CTNNA2: variants seen among roughly 807,000 people sequenced by gnomAD.
CTNNA2 encodes the protein catenin alpha 2, also known as catenin alpha-2.
In CTNNA2, 42 loss-of-function variants were observed where a neutral mutation model predicts 101.0. The observed-to-expected ratio is 0.42, with a 90% CI of 0.32 to 0.54. The LOEUF is 0.54. CTNNA2 is among the 20% of genes least tolerant of loss of function. The pLI is 0.14. For missense variants in CTNNA2, 871 were observed against 1,223.1 expected, an observed-to-expected ratio of 0.71 and a Z score of 4.29; for synonymous variants, 450 against 456.4, an observed-to-expected ratio of 0.99 and a Z score of 0.18.
chr2:79,637,113 T>G (rs2104396243), intron 1 of CTNNA2: 1 of 152,336 alleles, frequency 6.6e-6, no homozygotes, highest in East Asian at 1.9e-4. Context: ...GACTACCTTT[T>G]CAAGAAGCTA....
intron 2 of CTNNA2, among the ~76,000 whole-genome samples, chr2:79,725,466 C>A (rs1472538997): frequency 3.3e-5 from 5 of 152,196 alleles, no homozygotes; most frequent in African/African-American, 1.2e-4. Flanking sequence ...CAAGAGTGTT[C>A]TTTGCTTACT....
At chr2:79,531,329 T>C (rs1672731836) in intron 1 of CTNNA2, among the ~76,000 whole-genome samples, 1 of 151,176 alleles carries the variant, frequency 6.6e-6, no homozygotes, top group Admixed American at 6.6e-5. Context: ...AGCATTAAAA[T>C]GCCAGACAGT....
At chr2:79,641,540 T>C (rs913276835) in intron 1 of CTNNA2, among the ~76,000 whole-genome samples, 1 of 152,160 alleles carries the variant, frequency 6.6e-6, no homozygotes, top group Non-Finnish European at 1.5e-5. Flanking sequence ...TGCTGAAGGA[T>C]AATAAGCAAG....
chr2:79,419,410 T>C (rs1263077199), intron 4 of CTNNA2, among the ~76,000 whole-genome samples: 4 of 152,090 alleles, frequency 2.6e-5, no homozygotes, highest in Non-Finnish European at 4.4e-5. Context: ...TATTGACTCA[T>C]TGATTGTAAA....
At chr2:79,561,244 A>G (rs1674762114) in intron 1 of CTNNA2, among the ~76,000 whole-genome samples, 1 of 151,858 alleles carries the variant, frequency 6.6e-6, no homozygotes, top group African/African-American at 2.4e-5. Flanking sequence ...ATGTTGTAGC[A>G]TTTATAAATA....
At chr2:79,247,161 C>T (rs991313479) in intron 2 of CTNNA2, among the ~76,000 whole-genome samples, 1 of 152,184 alleles carries the variant, frequency 6.6e-6, no homozygotes, top group Non-Finnish European at 1.5e-5. Context: ...CGTAAGACCC[C>T]AGTGTGATCT....
intron 7 of CTNNA2, among the ~76,000 whole-genome samples, chr2:80,174,107 A>G (rs188955864): frequency 9.8e-5 from 15 of 152,314 alleles, no homozygotes; most frequent in East Asian, 9.7e-4. Context: ...CGTTTTCTCA[A>G]TGCTAATATC....
chr2:79,784,782 A>G (rs1004597501), intron 3 of CTNNA2, among the ~76,000 whole-genome samples: 1 of 151,702 alleles, frequency 6.6e-6, no homozygotes, highest in Admixed American at 6.6e-5. Context: ...ATATATAAAA[A>G]CATGGATGAA....
chr2:79,852,585 G>A lies in CTNNA2; in HGVS notation c.299-5428G>A, dbSNP rs140089781. ...AAAGAAAAGTTTTTTTGTTTGTTTT[G>A]TTTTGAGACGGAGCTTCACTTTTTT... On this transcript the variant is annotated intron_variant, in intron 3 of 18. Transcript: ENST00000402739. Among the ~76,000 whole-genome samples the A allele has an allele frequency of 1.6e-3, 244 of 152,228 alleles. 8 individuals carry two copies. The East Asian group carries it at 0.042, about 26-fold the overall frequency.
At chr2:79,436,464 C>T (rs553914138) in intron 4 of CTNNA2, among the ~76,000 whole-genome samples, 5 of 149,106 alleles carry the variant, frequency 3.4e-5, no homozygotes, top group Admixed American at 6.8e-5. Flanking sequence ...TCTAGCCATA[C>T]ATTGAAATTA....
At chr2:80,351,599 G>A (rs185949620) in intron 7 of CTNNA2, among the ~76,000 whole-genome samples, 1 of 152,220 alleles carries the variant, frequency 6.6e-6, no homozygotes, top group Admixed American at 6.5e-5. Context: ...TAACTGCCTG[G>A]GTGATTTGGC....
intron 16 of CTNNA2, among the ~76,000 whole-genome samples, chr2:80,606,398 A>G (rs1318884317): frequency 8.1e-6 from 1 of 123,968 alleles, no homozygotes; most frequent in Non-Finnish European, 1.7e-5. Flanking sequence ...ACACACACAC[A>G]CACACACACA....
chr2:80,407,184 G>A (rs775279641), intron 8 of CTNNA2, among the ~76,000 whole-genome samples: 47 of 151,814 alleles, frequency 3.1e-4, no homozygotes, highest in Non-Finnish European at 6.5e-4. Flanking sequence ...ATGAGGCAGG[G>A]AAATAACAAA....
At chr2:80,355,928 T>C (rs1421631611) in intron 7 of CTNNA2, among the ~76,000 whole-genome samples, 2 of 151,902 alleles carry the variant, frequency 1.3e-5, no homozygotes, top group African/African-American at 4.8e-5. Context: ...CACAGTCACA[T>C]TGTTCTTTTT....
At chr2:80,185,698 G>A (rs963431090) in intron 7 of CTNNA2, among the ~76,000 whole-genome samples, 2 of 152,198 alleles carry the variant, frequency 1.3e-5, no homozygotes, top group African/African-American at 2.4e-5. Context: ...AGAGCGGCAT[G>A]TTAAATGATC....
intron 7 of CTNNA2, among the ~76,000 whole-genome samples, chr2:80,177,974 G>C (rs1705504069): frequency 6.6e-6 from 1 of 152,226 alleles, no homozygotes; most frequent in South Asian, 2.1e-4. Context: ...CAATGCCCTA[G>C]AAAGGGGCTG....
intron 7 of CTNNA2, among the ~76,000 whole-genome samples, chr2:79,977,617 T>G (rs564216934): frequency 5.1e-4 from 78 of 152,304 alleles, no homozygotes; most frequent in African/African-American, 1.9e-3. Flanking sequence ...CATGCATAGT[T>G]TTAAATAGTG....
chr2:79,687,560 G>T, intron 2 of CTNNA2: 1 of 702,582 alleles, frequency 1.4e-6, no homozygotes, highest in Non-Finnish European at 2.6e-6. Flanking sequence ...TGTTTGCCTT[G>T]CAGTGCATTT....
intron 7 of CTNNA2, among the ~76,000 whole-genome samples, chr2:80,256,921 G>C (rs1672210474): frequency 6.6e-6 from 1 of 152,140 alleles, no homozygotes; most frequent in African/African-American, 2.4e-5. Context: ...GCTGTGTCTA[G>C]AACACTCACT....
Sources: gnomAD v4.1 joint callset for allele counts (sites outside exome capture counted in the v4.1 genomes callset) on GRCh38, gnomAD v4.1.1 for gene constraint, MANE v1.5 for transcripts, NCBI Gene and HGNC (gene_info 2026-07-23, HGNC 2026-07-21) for gene names.